Variants in LARGE1 observed in about 807,000 individuals in gnomAD.
The protein encoded by LARGE1 is xylosyl- and glucuronyltransferase LARGE1.
A neutral mutation model predicts 87.6 loss-of-function variants in LARGE1; 43 were observed. That is an observed-to-expected ratio of 0.49 (90% confidence interval 0.38 to 0.63). The LOEUF is 0.63. LARGE1 is among the 30% of genes least tolerant of loss of function. LARGE1 has a pLI of 0.00. For missense variants in LARGE1, 802 were observed against 1,000.2 expected (o/e 0.80, Z 2.67); for synonymous variants, 434 against 394.6 (o/e 1.10, Z -1.18).
At chr22:33,223,493 A>T (rs137467) in intron 11 of LARGE1, among the ~76,000 whole-genome samples, 16,481 of 152,242 alleles carry the variant, frequency 0.11, 1,421 homozygotes, top group African/African-American at 0.24. Context: ...AATCGCCACA[A>T]TTCAGGTGCA....
At chr22:33,146,716 T>C in the LARGE1 span, among the ~76,000 whole-genome samples, 2 of 152,024 alleles carry the variant, frequency 1.3e-5, no homozygotes, top group Admixed American at 6.5e-5. Flanking sequence ...GACTAGACTT[T>C]GGGGAAAAAA....
At chr22:33,772,247 G>T (rs546218224) in intron 1 of LARGE1, among the ~76,000 whole-genome samples, 1 of 152,154 alleles carries the variant, frequency 6.6e-6, no homozygotes, top group Non-Finnish European at 1.5e-5. Flanking sequence ...GCAGGAGAAT[G>T]GTGTGAACGC....
intron 6 of LARGE1, among the ~76,000 whole-genome samples, chr22:33,532,964 C>G (rs1254700325): frequency 1.3e-5 from 2 of 152,006 alleles, no homozygotes; most frequent in East Asian, 3.9e-4. Flanking sequence ...CAAAGTGGTG[C>G]GTGTTGAATC....
chr22:33,166,980 A>G (rs1018047691), intron 11 of LARGE1: 7 of 390,810 alleles, frequency 1.8e-5, no homozygotes, highest in African/African-American at 1.3e-4. Context: ...CTTCTCCAGT[A>G]TATTTTTCCC....
chr22:33,209,119 T>C (rs1924831934), intron 11 of LARGE1, among the ~76,000 whole-genome samples: 1 of 152,242 alleles, frequency 6.6e-6, no homozygotes, highest in Non-Finnish European at 1.5e-5. Flanking sequence ...ATGGCATTTC[T>C]GGTTCTAAAT....
At chr22:33,623,296 CT>C (rs1374160213) in intron 4 of LARGE1, among the ~76,000 whole-genome samples, 41 of 152,220 alleles carry the variant, frequency 2.7e-4, no homozygotes, top group African/African-American at 9.9e-4. Flanking sequence ...TGAAAGGAGC[CT>C]TCAAAACTGC....
At chr22:33,295,980 T>G (rs1933193650) in intron 12 of LARGE1, among the ~76,000 whole-genome samples, 1 of 152,160 alleles carries the variant, frequency 6.6e-6, no homozygotes, top group Non-Finnish European at 1.5e-5. Context: ...ATTTTACAAA[T>G]AAAAAGTAGT....
At chr22:33,404,829 C>T (rs1300931477) in intron 7 of LARGE1, among the ~76,000 whole-genome samples, 1 of 152,204 alleles carries the variant, frequency 6.6e-6, no homozygotes, top group Non-Finnish European at 1.5e-5. Context: ...GCAGTATCTA[C>T]TGAGTACAGG....
At chr22:33,729,973 C>CGTGTGTGCATGCGT (rs1569411362) in intron 2 of LARGE1, among the ~76,000 whole-genome samples, 2 of 151,754 alleles carry the variant, frequency 1.3e-5, no homozygotes, top group East Asian at 3.9e-4. Context: ...TGTGTGTGTG[C>CGTGTGTGCATGCGT]GTGTGTGCAT....
At chr22:33,487,905 T>C (rs2069657909) in intron 6 of LARGE1, among the ~76,000 whole-genome samples, 1 of 152,216 alleles carries the variant, frequency 6.6e-6, no homozygotes, top group South Asian at 2.1e-4. Context: ...ATAATTGTTA[T>C]CATTTATTAA....
chr22:33,288,345 G>A (rs966272701), intron 12 of LARGE1, among the ~76,000 whole-genome samples: 1 of 152,188 alleles, frequency 6.6e-6, no homozygotes. Flanking sequence ...CCTTAGGACA[G>A]TAACACAGAA....
intron 2 of LARGE1, among the ~76,000 whole-genome samples, chr22:33,755,231 A>G (rs2084466503): frequency 6.6e-6 from 1 of 152,156 alleles, no homozygotes; most frequent in African/African-American, 2.4e-5. Flanking sequence ...GGAATGACAA[A>G]ACAGGGGTGC....
intron 4 of LARGE1, 122 bp from the exon 5 acceptor site, chr22:33,604,680 T>C: frequency 3.8e-6 from 5 of 1,312,218 alleles, no homozygotes; most frequent in Non-Finnish European, 5.4e-6. Flanking sequence ...ATTGTGAAAG[T>C]AAATCTGGAA....
At chr22:33,875,530 G>A (rs1011569142) in intron 1 of LARGE1, among the ~76,000 whole-genome samples, 1 of 152,146 alleles carries the variant, frequency 6.6e-6, no homozygotes, top group Non-Finnish European at 1.5e-5. Context: ...AGCAGAGATG[G>A]CCCTCCCCAG....
chr22:33,458,682 C>T (rs1405346603), intron 6 of LARGE1, among the ~76,000 whole-genome samples: 1 of 152,078 alleles, frequency 6.6e-6, no homozygotes, highest in Non-Finnish European at 1.5e-5. Flanking sequence ...CCCACCTAGG[C>T]CTCCCAAAGT....
chr22:33,899,605 G>C (rs189889693), intron 1 of LARGE1, among the ~76,000 whole-genome samples: 2 of 152,200 alleles, frequency 1.3e-5, no homozygotes, highest in African/African-American at 4.8e-5. Flanking sequence ...GCAGGGACTG[G>C]GACTTTGTCT....
chr22:33,305,528 T>G (rs1008840554), intron 11 of LARGE1: 1 of 958,178 alleles, frequency 1.0e-6, no homozygotes, highest in African/African-American at 1.8e-5. Flanking sequence ...TTGTTTTTCC[T>G]TACCCAGCAA....
the LARGE1 span, among the ~76,000 whole-genome samples, chr22:33,154,701 G>C: frequency 8.1e-5 from 12 of 149,050 alleles, no homozygotes; most frequent in Non-Finnish European, 1.6e-4. Context: ...TTTTTTTCTT[G>C]GGTTAAATGG....
At chr22:33,748,892 G>A (rs1322214489) in intron 2 of LARGE1, among the ~76,000 whole-genome samples, 1 of 152,212 alleles carries the variant, frequency 6.6e-6, no homozygotes, top group Non-Finnish European at 1.5e-5. Context: ...TGCTGAGGCT[G>A]TGAGCTTCGT....
Sources: gnomAD v4.1 joint callset for allele counts (sites outside exome capture counted in the v4.1 genomes callset) on GRCh38, gnomAD v4.1.1 for gene constraint, MANE v1.5 for transcripts, NCBI Gene and HGNC (gene_info 2026-07-23, HGNC 2026-07-21) for gene names.